The following GYG1 variants were observed in gnomAD, a reference collection of about 807,000 sequenced individuals.
GYG1 encodes glycogenin 1.
Under a neutral mutation model 41.9 loss-of-function variants are expected in GYG1, and 44 were observed. The observed-to-expected ratio is 1.05, with a 90% CI of 0.83 to 1.35. GYG1 has a LOEUF of 1.35. Ranked by LOEUF, GYG1 falls within the 40% of genes most tolerant of loss-of-function variation. The pLI is 0.00. For synonymous variants in GYG1, 141 were observed against 158.1 expected (o/e 0.89, Z 0.81); for missense variants, 429 against 418.9 (o/e 1.02, Z -0.21).
chr3:149,025,336 G>A (rs778020476), intron 6 of GYG1, among the ~76,000 whole-genome samples: 6 of 152,092 alleles, frequency 3.9e-5, no homozygotes, highest in South Asian at 2.1e-4. Flanking sequence ...TAGAGTTCAC[G>A]CTTCTATGAG....
chr3:149,006,221 T>A (rs889549443), intron 4 of GYG1, among the ~76,000 whole-genome samples: 4 of 151,798 alleles, frequency 2.6e-5, no homozygotes, highest in Non-Finnish European at 5.9e-5. Flanking sequence ...TAGCTGGAAC[T>A]ATAGGCGCGT....
At chr3:148,993,647 A>AATAC (rs948820253) in intron 1 of GYG1, among the ~76,000 whole-genome samples, 15 of 152,324 alleles carry the variant, frequency 9.8e-5, no homozygotes, top group Admixed American at 7.2e-4. Context: ...TGTCTTAAAA[A>AATAC]ATACATACAT....
chr3:149,016,284 G>GAA (rs1356253404), intron 5 of GYG1, among the ~76,000 whole-genome samples: 1 of 117,312 alleles, frequency 8.5e-6, no homozygotes. Context: ...AAACAAAAAA[G>GAA]AAAAAAAAAA....
rs1026429088 is a variant in GYG1, at chr3:148,996,320, C to G, written c.162C>G (p.Val54=). 1 of 1,611,236 alleles carries G rather than the reference C, an allele frequency of 6.2e-7. No homozygotes were observed. Residue 54 remains valine (V), a synonymous_variant, in exon 3 of 8, where the codon GTC becomes GTG. Transcript: ENST00000345003. ...SDSMRKVLET[V]FDEVIMVDVL... is the part of the protein sequence containing the mutation. ...TTGACAGAAAAGTTTTAGAGACAGTCTTTGATGAAGTCATCATGGTAGATG... is the reference window on the plus strand; with the variant it reads ...TTGACAGAAAAGTTTTAGAGACAGTGTTTGATGAAGTCATCATGGTAGATG...
Position 148,991,554 on chromosome 3 carries a change from C to T in GYG1, c.-87C>T. The T allele has an allele frequency of 2.0e-6, 3 of 1,519,272 alleles. No individual in the cohort carries two copies. The highest frequency in any genetic ancestry group is 2.6e-6 in the Non-Finnish European group (3 of 1,135,190). The allele number at this position is 1,519,272 out of a possible 1,614,324, so 94.1% of individuals were successfully genotyped here. A position where few individuals can be genotyped will look rare whatever the true frequency, so the allele number is the denominator to read the frequency against. ...AGACGCTCGGTTCCCCGCCGTGCCT[C>T]CTCGCTGGCCGCGCTCCCTCCCGGT... On this transcript the variant is annotated 5_prime_UTR_variant, in exon 1 of 8. Coordinates refer to ENST00000345003, the MANE Select transcript of GYG1 (RefSeq NM_004130.4).
intron 5 of GYG1, among the ~76,000 whole-genome samples, chr3:149,022,716 C>T (rs912368859): frequency 6.6e-6 from 1 of 151,594 alleles, no homozygotes; most frequent in African/African-American, 2.4e-5. Flanking sequence ...GGATGGTCTC[C>T]ATCTCCTGAC....
At chr3:148,993,176 CTG>C (rs1712585880) in intron 1 of GYG1, among the ~76,000 whole-genome samples, 2 of 152,010 alleles carry the variant, frequency 1.3e-5, no homozygotes, top group Non-Finnish European at 2.9e-5. Flanking sequence ...CAGGGAATGA[CTG>C]GAGAAATCTT....
intron 5 of GYG1, among the ~76,000 whole-genome samples, chr3:149,010,488 G>A (rs1409818608): frequency 1.3e-5 from 2 of 151,984 alleles, no homozygotes; most frequent in Non-Finnish European, 2.9e-5. Flanking sequence ...CACTACACAC[G>A]GCTAATTTTT....
At chr3:148,997,620 A>G (rs1025080944) in intron 4 of GYG1, among the ~76,000 whole-genome samples, 1 of 152,260 alleles carries the variant, frequency 6.6e-6, no homozygotes, top group Non-Finnish European at 1.5e-5. Flanking sequence ...TGAAATAACA[A>G]GCCATGTTTT....
At chr3:148,999,314 C>T (rs1013016937) in intron 4 of GYG1, among the ~76,000 whole-genome samples, 2 of 152,106 alleles carry the variant, frequency 1.3e-5, no homozygotes, top group Non-Finnish European at 2.9e-5. Context: ...TTTACTGGCT[C>T]ATTGGTGGTG....
intron 6 of GYG1, among the ~76,000 whole-genome samples, chr3:149,025,552 T>C (rs574562190): frequency 6.6e-6 from 1 of 152,342 alleles, no homozygotes; most frequent in South Asian, 2.1e-4. Context: ...GCTATTCTTA[T>C]TTAACCCTTA....
intron 5 of GYG1, among the ~76,000 whole-genome samples, chr3:149,019,743 C>G (rs1057345425): frequency 6.6e-6 from 1 of 152,176 alleles, no homozygotes; most frequent in African/African-American, 2.4e-5. Context: ...GTGCCTGAGT[C>G]ACAGTGAAAT....
At chr3:148,997,832 G>C (rs1472815261) in intron 4 of GYG1, among the ~76,000 whole-genome samples, 2 of 152,220 alleles carry the variant, frequency 1.3e-5, no homozygotes, top group African/African-American at 4.8e-5. Context: ...ATTCACATGG[G>C]GTTGGGCCAG....
chr3:149,005,296 T>G (rs1033142489), intron 4 of GYG1, among the ~76,000 whole-genome samples: 11 of 152,134 alleles, frequency 7.2e-5, no homozygotes, highest in Non-Finnish European at 7.4e-5. Flanking sequence ...TATTTTAGCA[T>G]TAAAAGAATA....
At chr3:149,010,414 A>C (rs1179486714) in intron 5 of GYG1, among the ~76,000 whole-genome samples, 5 of 143,110 alleles carry the variant, frequency 3.5e-5, no homozygotes, top group African/African-American at 1.3e-4. Context: ...TGCAACCTCC[A>C]CCTCCTGGTT....
chr3:148,999,958 T>G (rs938388188), intron 4 of GYG1, among the ~76,000 whole-genome samples: 2 of 152,242 alleles, frequency 1.3e-5, no homozygotes, highest in African/African-American at 4.8e-5. Flanking sequence ...TTTAACCTCT[T>G]TCCTGTGTTC....
intron 5 of GYG1, 29 bp downstream of exon 5, chr3:149,009,431 G>C (rs1713595729): frequency 6.2e-7 from 1 of 1,611,228 alleles, no homozygotes; most frequent in South Asian, 1.1e-5. Context: ...ACTATTGTTG[G>C]AGATGTTGAG....
At chr3:149,002,828 C>G (rs923033752) in intron 4 of GYG1, among the ~76,000 whole-genome samples, 4 of 152,152 alleles carry the variant, frequency 2.6e-5, no homozygotes, top group Admixed American at 2.6e-4. Context: ...CCAGACCAGC[C>G]TGGCCAAAAT....
At chr3:149,012,490 A>C (rs1218891565) in intron 5 of GYG1, among the ~76,000 whole-genome samples, 1 of 152,210 alleles carries the variant, frequency 6.6e-6, no homozygotes, top group African/African-American at 2.4e-5. Flanking sequence ...CCAGAATCTT[A>C]GAGTTTTGGA....
Sources: allele counts gnomAD v4.1 joint callset (sites outside exome capture counted in the v4.1 genomes callset), GRCh38; gene constraint gnomAD v4.1.1; transcripts MANE v1.5; gene names NCBI Gene and HGNC (gene_info 2026-07-23, HGNC 2026-07-21).